Variants in KIAA0825 observed in about 807,000 individuals in gnomAD.
The protein encoded by KIAA0825 is KIAA0825, also known as uncharacterized protein KIAA0825.
KIAA0825 carries 119 observed loss-of-function variants against 147.6 expected under a neutral mutation model. The observed-to-expected ratio is 0.81, with a 90% CI of 0.69 to 0.94. The LOEUF (loss-of-function observed/expected upper bound fraction) is 0.94. Among genes scored for constraint, KIAA0825 ranks in the 40% least tolerant of loss-of-function variants. KIAA0825 has a pLI of 0.00. For synonymous variants in KIAA0825, 470 were observed against 518.1 expected (o/e 0.91, Z 1.26); for missense variants, 1,381 against 1,472.7 (o/e 0.94, Z 1.02).
At chr5:94,323,059 C>T (rs1452414984) in intron 20 of KIAA0825, among the ~76,000 whole-genome samples, 1 of 151,716 alleles carries the variant, frequency 6.6e-6, no homozygotes, top group African/African-American at 2.4e-5. Context: ...TGTGAATAAA[C>T]AAAACTAAGG....
chr5:94,508,702 C>A (rs1471353578), intron 5 of KIAA0825, among the ~76,000 whole-genome samples: 1 of 152,130 alleles, frequency 6.6e-6, no homozygotes, highest in Non-Finnish European at 1.5e-5. Flanking sequence ...ATATTAAACT[C>A]CAAGTGAAGC....
At chr5:94,494,784 C>T (rs1336475717) in intron 5 of KIAA0825, among the ~76,000 whole-genome samples, 3 of 152,094 alleles carry the variant, frequency 2.0e-5, no homozygotes, top group Admixed American at 1.3e-4. Flanking sequence ...ACTCAGTTAA[C>T]AATTCATTTT....
At chr5:94,536,669 A>G (rs1165605630) in intron 3 of KIAA0825, among the ~76,000 whole-genome samples, 7 of 152,234 alleles carry the variant, frequency 4.6e-5, no homozygotes, top group Admixed American at 6.5e-5. Context: ...TAGTAACTCA[A>G]GCAATCAGGG....
At chr5:94,278,720 T>C (rs1157602348) in intron 20 of KIAA0825, among the ~76,000 whole-genome samples, 2 of 152,166 alleles carry the variant, frequency 1.3e-5, no homozygotes, top group Non-Finnish European at 2.9e-5. Context: ...GATCACTACT[T>C]CTTAAGTCAT....
chr5:94,173,879 C>T (rs1345401252), intron 20 of KIAA0825, among the ~76,000 whole-genome samples: 1 of 152,188 alleles, frequency 6.6e-6, no homozygotes, highest in African/African-American at 2.4e-5. Flanking sequence ...GACATGCTTA[C>T]ATACACACCT....
chr5:94,436,070 T>C (rs891158219), intron 14 of KIAA0825, among the ~76,000 whole-genome samples: 1 of 152,232 alleles, frequency 6.6e-6, no homozygotes, highest in East Asian at 1.9e-4. Flanking sequence ...TCCCATTCTA[T>C]AGGTTGTCTG....
chr5:94,232,275 C>T (rs1401384333), intron 20 of KIAA0825, among the ~76,000 whole-genome samples: 1 of 151,960 alleles, frequency 6.6e-6, no homozygotes, highest in Non-Finnish European at 1.5e-5. Flanking sequence ...TCCATATATA[C>T]CTTTGTGAGG....
intron 20 of KIAA0825, among the ~76,000 whole-genome samples, chr5:94,321,536 T>G (rs974816161): frequency 2.6e-5 from 4 of 152,108 alleles, no homozygotes; most frequent in Non-Finnish European, 4.4e-5. Context: ...AGCTGAGATA[T>G]GAGTCTAAGT....
intron 2 of KIAA0825, among the ~76,000 whole-genome samples, chr5:94,578,477 G>A (rs770396997): frequency 3.9e-5 from 6 of 152,088 alleles, no homozygotes; most frequent in Non-Finnish European, 8.8e-5. Context: ...TTAGATGTTG[G>A]AACAATTACC....
Position 94,460,742 on chromosome 5 carries a change from AGAAC to A in KIAA0825, c.2246+1641_2246+1644del, listed in dbSNP as rs199808576. 3.4e-3 allele frequency among the ~76,000 whole-genome samples: 515 copies of A among 152,184 alleles called. 18 individuals are homozygous for A. In the East Asian group the frequency reaches 0.079, roughly 23 times the overall value. On this transcript the variant is annotated intron_variant, in intron 12 of 20. Coordinates refer to ENST00000682413, the MANE Select transcript of KIAA0825 (RefSeq NM_001145678.3). ...AAATATATTTTTCCCTAATTGGCAA[AGAAC>A]ATGTTGCCCTGTATATTTCATTTGT... is the stretch of plus-strand genomic sequence containing the variant.
intron 20 of KIAA0825, among the ~76,000 whole-genome samples, chr5:94,328,287 T>C (rs1698969242): frequency 6.6e-6 from 1 of 152,214 alleles, no homozygotes; most frequent in Admixed American, 6.5e-5. Context: ...TTATGTGTAA[T>C]TATAAAAATG....
intron 20 of KIAA0825, among the ~76,000 whole-genome samples, chr5:94,160,383 A>ATT (rs1583701418): frequency 6.6e-6 from 1 of 150,642 alleles, no homozygotes; most frequent in East Asian, 1.9e-4. Context: ...TCATATATGT[A>ATT]CATATATGAA....
At chr5:94,263,994 T>C (rs1776623675) in intron 20 of KIAA0825, among the ~76,000 whole-genome samples, 1 of 152,204 alleles carries the variant, frequency 6.6e-6, no homozygotes, top group Non-Finnish European at 1.5e-5. Context: ...CTTCTCACCA[T>C]AATGAACCAC....
At chr5:94,200,957 A>G (rs1185252037) in intron 20 of KIAA0825, among the ~76,000 whole-genome samples, 2 of 134,582 alleles carry the variant, frequency 1.5e-5, no homozygotes, top group Non-Finnish European at 3.2e-5. Flanking sequence ...ATATATATAT[A>G]TATATATATA....
At chr5:94,197,952 G>A (rs1771295711) in intron 20 of KIAA0825, among the ~76,000 whole-genome samples, 1 of 152,192 alleles carries the variant, frequency 6.6e-6, no homozygotes, top group South Asian at 2.1e-4. Context: ...TGGCTATTTG[G>A]TTTCTTGTTC....
At chr5:94,513,195 T>C (rs1766751450) in intron 5 of KIAA0825, among the ~76,000 whole-genome samples, 1 of 152,182 alleles carries the variant, frequency 6.6e-6, no homozygotes, top group Non-Finnish European at 1.5e-5. Context: ...CTTATATTTT[T>C]AAATAGATAA....
Position 94,601,870 on chromosome 5 carries a change from A to G in KIAA0825, c.-153+16630T>C, listed in dbSNP as rs577546094. Among the ~76,000 whole-genome samples, 6 of 152,316 alleles carry G rather than the reference A, an allele frequency of 3.9e-5. No individual in the cohort carries two copies. In the East Asian group the frequency reaches 1.2e-3, roughly 29 times the overall value. The stretch of plus-strand genomic sequence containing the variant: ...AAAAGAATAAAAAGGAATGAACAAA[A>G]TTTCCGAGAAATATGGGGTTACGTA... On this transcript the variant is annotated intron_variant, in intron 1 of 20. Transcript: ENST00000682413.
intron 1 of KIAA0825, among the ~76,000 whole-genome samples, chr5:94,608,441 A>G (rs190790028): frequency 2.6e-5 from 1 of 37,980 alleles, no homozygotes; most frequent in African/African-American, 1.4e-4. Context: ...TTGTGTGTGT[A>G]TGTGTGTGTG....
At chr5:94,175,864 C>T (rs183483531) in intron 20 of KIAA0825, among the ~76,000 whole-genome samples, 3 of 152,144 alleles carry the variant, frequency 2.0e-5, no homozygotes, top group Non-Finnish European at 2.9e-5. Context: ...ATCTTATTTG[C>T]CATAACCTAT....
Sources: gnomAD v4.1 joint callset for allele counts (sites outside exome capture counted in the v4.1 genomes callset) on GRCh38, gnomAD v4.1.1 for gene constraint, MANE v1.5 for transcripts, NCBI Gene and HGNC (gene_info 2026-07-23, HGNC 2026-07-21) for gene names.